ZNF827: variants seen among roughly 807,000 people sequenced by gnomAD.
ZNF827 encodes zinc finger protein 827.
ZNF827 carries 13 observed loss-of-function variants against 102.4 expected under a neutral mutation model. That is an observed-to-expected ratio of 0.13 (90% CI 0.08 to 0.20). ZNF827 has a LOEUF of 0.20. Ranked by LOEUF, ZNF827 falls within the 10% of genes least tolerant of loss-of-function variation. The pLI is 1.00. For missense variants in ZNF827, 1,103 were observed against 1,344.4 expected (o/e 0.82, Z 2.81); for synonymous variants, 523 against 536.2 (o/e 0.98, Z 0.34).
intron 8 of ZNF827, among the ~76,000 whole-genome samples, chr4:145,793,337 A>AT (rs1293106741): frequency 2.2e-5 from 3 of 135,860 alleles, no homozygotes; most frequent in Admixed American, 7.9e-5. Context: ...TCTTATATAT[A>AT]TATAAAAAGA....
intron 11 of ZNF827, among the ~76,000 whole-genome samples, chr4:145,773,430 G>A (rs906159231): frequency 8.5e-5 from 13 of 152,190 alleles, no homozygotes; most frequent in Admixed American, 3.3e-4. Flanking sequence ...TGTGTACATC[G>A]TCAGCACAAC....
intron 2 of ZNF827, among the ~76,000 whole-genome samples, chr4:145,895,668 T>C (rs1459663806): frequency 1.3e-5 from 2 of 152,226 alleles, no homozygotes; most frequent in Admixed American, 1.3e-4. Context: ...AACATCTACA[T>C]TTTTATTTAT....
intron 2 of ZNF827, among the ~76,000 whole-genome samples, chr4:145,896,381 G>A (rs1579505510): frequency 6.6e-6 from 1 of 152,108 alleles, no homozygotes; most frequent in Admixed American, 6.6e-5. Flanking sequence ...ACAAAATACT[G>A]ATGGACAATC....
intron 1 of ZNF827, among the ~76,000 whole-genome samples, chr4:145,921,289 C>G (rs898631889): frequency 6.6e-6 from 1 of 152,124 alleles, no homozygotes; most frequent in Non-Finnish European, 1.5e-5. Flanking sequence ...GACAAAGCAT[C>G]TTCTAGATTT....
intron 11 of ZNF827, among the ~76,000 whole-genome samples, chr4:145,771,955 G>A (rs533766714): frequency 6.6e-6 from 1 of 152,284 alleles, no homozygotes; most frequent in South Asian, 2.1e-4. Flanking sequence ...TGAAAATATA[G>A]GGAACAGATG....
intron 7 of ZNF827, among the ~76,000 whole-genome samples, chr4:145,836,034 C>A (rs1442172784): frequency 6.6e-6 from 1 of 151,780 alleles, no homozygotes; most frequent in Non-Finnish European, 1.5e-5. Context: ...CACCCTTCAT[C>A]CCAGCCTCTC....
chr4:145,791,108 A>G (rs535136175), intron 8 of ZNF827, among the ~76,000 whole-genome samples: 40 of 152,360 alleles, frequency 2.6e-4, no homozygotes, highest in African/African-American at 9.1e-4. Context: ...TCAGGCTGCT[A>G]TAACAAAACA....
chr4:145,797,607 T>C (rs975063419), intron 8 of ZNF827, among the ~76,000 whole-genome samples: 5 of 152,208 alleles, frequency 3.3e-5, no homozygotes, highest in Non-Finnish European at 7.3e-5. Flanking sequence ...CTTCTCTCCC[T>C]TTCTAGTTCC....
intron 1 of ZNF827, among the ~76,000 whole-genome samples, chr4:145,925,085 G>C (rs1579584039): frequency 6.6e-6 from 1 of 152,178 alleles, no homozygotes; most frequent in Admixed American, 6.5e-5. Context: ...AGGCAAGAGA[G>C]TGTGTGCAGG....
At chr4:145,825,621 T>C (rs1237755536) in intron 7 of ZNF827, among the ~76,000 whole-genome samples, 1 of 152,178 alleles carries the variant, frequency 6.6e-6, no homozygotes, top group Middle Eastern at 3.2e-3. Flanking sequence ...CCTAGCTTTC[T>C]AGGTGAAGCG....
chr4:145,932,449 A>T (rs527790570), intron 1 of ZNF827, among the ~76,000 whole-genome samples: 1 of 151,578 alleles, frequency 6.6e-6, no homozygotes, highest in African/African-American at 2.4e-5. Flanking sequence ...CTACAAGAAC[A>T]TGTTGACATT....
At chr4:145,871,233 C>T (rs1748656812) in intron 4 of ZNF827, among the ~76,000 whole-genome samples, 1 of 152,146 alleles carries the variant, frequency 6.6e-6, no homozygotes, top group African/African-American at 2.4e-5. Flanking sequence ...TCTTACATAA[C>T]CATGGTACAT....
At chr4:145,786,441 G>T (rs1027475934) in intron 8 of ZNF827, among the ~76,000 whole-genome samples, 5 of 152,198 alleles carry the variant, frequency 3.3e-5, no homozygotes, top group Admixed American at 3.3e-4. Context: ...TCTCATTACT[G>T]AAGAAGAGGC....
At position 145,870,360 on chromosome 4, in the gene ZNF827, T is replaced by G; in HGVS notation, c.1866A>C (p.Glu622Asp). The part of the protein sequence containing the change: ...RSSYVFSPES[E>D]VSAPGVSEDA... The stretch of plus-strand genomic sequence containing the variant: ...CCTCAGAGACGCCTGGGGCTGACAC[T>G]TCAGATTCCGGGCTGAACACATAGC... Residue 622 changes from glutamate to aspartate, a missense_variant, in exon 5 of 15, where the codon GAA becomes GAC. Glu to Asp is a conservative substitution (Grantham distance 45, BLOSUM62 2). This residue lies in a region of ZNF827 where 243 missense variants were observed against 251.6 expected (regional missense o/e 0.97). Transcript: ENST00000508784. The G allele has an allele frequency of 6.2e-7, 1 of 1,614,144 alleles. No homozygotes were observed. The highest frequency in any genetic ancestry group is 8.5e-7 in the Non-Finnish European group (1 of 1,180,010).
At chr4:145,779,164 G>A (rs574801296) in intron 9 of ZNF827, among the ~76,000 whole-genome samples, 1 of 152,146 alleles carries the variant, frequency 6.6e-6, no homozygotes, top group Non-Finnish European at 1.5e-5. Context: ...TTTTCTCATC[G>A]GTCCTACCTG....
At chr4:145,898,346 G>C (rs1751141865) in intron 2 of ZNF827, among the ~76,000 whole-genome samples, 1 of 152,090 alleles carries the variant, frequency 6.6e-6, no homozygotes, top group South Asian at 2.1e-4. Context: ...TATGAGACCA[G>C]GTTTGCTTCT....
At chr4:145,770,025 C>T (rs765308023) in intron 11 of ZNF827, among the ~76,000 whole-genome samples, 5 of 152,162 alleles carry the variant, frequency 3.3e-5, no homozygotes, top group Non-Finnish European at 5.9e-5. Context: ...AGGCTGGGTG[C>T]CGTGGCTCAC....
chr4:145,789,812 AT>A (rs1418838233), intron 8 of ZNF827, among the ~76,000 whole-genome samples: 1 of 152,246 alleles, frequency 6.6e-6, no homozygotes, highest in East Asian at 1.9e-4. Context: ...AAGAAGAAGC[AT>A]CCATGATCAC....
At chr4:145,918,831 T>C (rs1000744818) in intron 1 of ZNF827, among the ~76,000 whole-genome samples, 1 of 152,226 alleles carries the variant, frequency 6.6e-6, no homozygotes, top group Non-Finnish European at 1.5e-5. Flanking sequence ...TGTTTTGTTT[T>C]GAAAGCCACT....
Sources: allele counts gnomAD v4.1 joint callset (sites outside exome capture counted in the v4.1 genomes callset), GRCh38; gene constraint gnomAD v4.1.1; regional missense constraint gnomAD v4.1.1; transcripts MANE v1.5; gene names NCBI Gene and HGNC (gene_info 2026-07-23, HGNC 2026-07-21).